SPOCK3: variants seen among roughly 807,000 people sequenced by gnomAD.
SPOCK3 encodes testican-3.
In SPOCK3, 30 loss-of-function variants were observed where a neutral mutation model predicts 56.6. That is an observed-to-expected ratio of 0.53 (90% CI 0.40 to 0.72). The LOEUF (loss-of-function observed/expected upper bound fraction) is 0.72, where lower values mean the gene tolerates loss of function less well. Ranked by LOEUF, SPOCK3 falls within the 30% of genes least tolerant of loss-of-function variation. The pLI, the probability that SPOCK3 is intolerant of heterozygous loss-of-function variation, is 0.00. For missense variants in SPOCK3, 527 were observed against 530.0 expected (o/e 0.99, Z 0.06); for synonymous variants, 196 against 183.3 (o/e 1.07, Z -0.56).
chr4:167,000,120 A>G (rs1463623217), intron 4 of SPOCK3, among the ~76,000 whole-genome samples: 2 of 152,146 alleles, frequency 1.3e-5, no homozygotes, highest in Non-Finnish European at 2.9e-5. Context: ...TCTTTATAAG[A>G]CCTTCTTTAT....
At chr4:166,905,181 A>G (rs1475689418) in intron 5 of SPOCK3, among the ~76,000 whole-genome samples, 1 of 152,070 alleles carries the variant, frequency 6.6e-6, no homozygotes, top group Non-Finnish European at 1.5e-5. Flanking sequence ...TACTACAAAT[A>G]TTACTAGAAC....
intron 2 of SPOCK3, among the ~76,000 whole-genome samples, chr4:167,165,214 A>C (rs1765653726): frequency 6.6e-6 from 1 of 152,186 alleles, no homozygotes; most frequent in Non-Finnish European, 1.5e-5. Context: ...GACAAATGGG[A>C]TCTAATTAAA....
chr4:167,041,281 G>A (rs1379485830), intron 3 of SPOCK3, among the ~76,000 whole-genome samples: 5 of 152,118 alleles, frequency 3.3e-5, no homozygotes, highest in East Asian at 3.8e-4. Flanking sequence ...TGACATATTG[G>A]CTAGCTTCTA....
chr4:166,963,603 A>G (rs1744386260), intron 4 of SPOCK3, among the ~76,000 whole-genome samples: 1 of 152,000 alleles, frequency 6.6e-6, no homozygotes, highest in African/African-American at 2.4e-5. Flanking sequence ...AATAGGCAAG[A>G]TTCATGTAAA....
At chr4:166,941,538 G>A (rs1741072079) in intron 4 of SPOCK3, among the ~76,000 whole-genome samples, 1 of 152,112 alleles carries the variant, frequency 6.6e-6, no homozygotes, top group African/African-American at 2.4e-5. Flanking sequence ...ATATCTGTGG[G>A]TAGTTGGCCT....
chr4:167,117,929 A>T (rs1761565854), intron 2 of SPOCK3, among the ~76,000 whole-genome samples: 1 of 151,964 alleles, frequency 6.6e-6, no homozygotes, highest in Admixed American at 6.6e-5. Flanking sequence ...GATGACTCTG[A>T]CTCCACTTTG....
chr4:166,771,825 G>T (rs17597978), intron 7 of SPOCK3, among the ~76,000 whole-genome samples: 69,460 of 151,768 alleles, frequency 0.46, 16,415 homozygotes, highest in African/African-American at 0.51. Context: ...AACTGTCAAG[G>T]TTGTTTACAT....
chr4:166,870,688 A>T (rs1732368872), intron 6 of SPOCK3, among the ~76,000 whole-genome samples: 1 of 152,136 alleles, frequency 6.6e-6, no homozygotes, highest in African/African-American at 2.4e-5. Context: ...TTTTTGAAAC[A>T]TAAAGAAGTG....
intron 6 of SPOCK3, among the ~76,000 whole-genome samples, chr4:166,803,647 C>T (rs1235764798): frequency 2.0e-5 from 3 of 152,158 alleles, no homozygotes; most frequent in African/African-American, 7.2e-5. Context: ...TGCCAACACA[C>T]TTTTTAATCT....
chr4:167,109,127 T>TATATATATAAAAATATATATAAA (rs1253630622), intron 2 of SPOCK3, among the ~76,000 whole-genome samples: 1 of 696 alleles, frequency 1.4e-3, no homozygotes, highest in Non-Finnish European at 2.0e-3. Flanking sequence ...TATATAAATA[T>TATATATATAAAAATATATATAAA]TATATATTTA....
intron 3 of SPOCK3, among the ~76,000 whole-genome samples, chr4:167,041,013 G>A (rs1471367256): frequency 6.6e-6 from 1 of 152,188 alleles, no homozygotes; most frequent in East Asian, 1.9e-4. Flanking sequence ...GTCATGGATA[G>A]AGCCGGGCTC....
intron 2 of SPOCK3, among the ~76,000 whole-genome samples, chr4:167,187,323 A>G (rs1228528373): frequency 1.4e-5 from 2 of 147,722 alleles, no homozygotes; most frequent in Non-Finnish European, 3.0e-5. Context: ...GATCTCCCTC[A>G]TTGTACTCTT....
At chr4:167,143,550 C>T (rs578257341) in intron 2 of SPOCK3, among the ~76,000 whole-genome samples, 21 of 152,066 alleles carry the variant, frequency 1.4e-4, no homozygotes, top group African/African-American at 4.6e-4. Context: ...TTTCTTGATT[C>T]AAACATACAT....
At chr4:167,039,676 T>A (rs201651644) in intron 3 of SPOCK3, among the ~76,000 whole-genome samples, 1 of 150,390 alleles carries the variant, frequency 6.6e-6, no homozygotes. Flanking sequence ...ATTTACTAAA[T>A]AAAAAAAAAA....
At chr4:167,179,234 T>G (rs1731240949) in intron 2 of SPOCK3, among the ~76,000 whole-genome samples, 1 of 152,204 alleles carries the variant, frequency 6.6e-6, no homozygotes, top group South Asian at 2.1e-4. Context: ...AGTTTCTTCC[T>G]TATTGGCCAA....
intron 6 of SPOCK3, among the ~76,000 whole-genome samples, chr4:166,855,592 A>C (rs1730559913): frequency 6.6e-6 from 1 of 151,308 alleles, no homozygotes; most frequent in Non-Finnish European, 1.5e-5. Context: ...GCACAGGAAA[A>C]AAGAAAAAAA....
At chr4:166,735,844 A>T (rs1227431386) in intron 10 of SPOCK3, among the ~76,000 whole-genome samples, 1 of 151,964 alleles carries the variant, frequency 6.6e-6, no homozygotes, top group Non-Finnish European at 1.5e-5. Context: ...AGGCACAGAA[A>T]TGTAGGATAA....
At chr4:167,222,772 T>C (rs1385826494) in intron 2 of SPOCK3, among the ~76,000 whole-genome samples, 1 of 126,472 alleles carries the variant, frequency 7.9e-6, no homozygotes, top group African/African-American at 3.1e-5. Flanking sequence ...TATATGAATA[T>C]ATAAATATAT....
chr4:166,865,899 T>C (rs759012323), intron 6 of SPOCK3, among the ~76,000 whole-genome samples: 20 of 152,056 alleles, frequency 1.3e-4, no homozygotes, highest in Non-Finnish European at 2.2e-4. Context: ...CATGCTACCA[T>C]TGGCTTTCTT....
Sources: allele counts gnomAD v4.1 joint callset (sites outside exome capture counted in the v4.1 genomes callset), GRCh38; gene constraint gnomAD v4.1.1; transcripts MANE v1.5; gene names NCBI Gene and HGNC (gene_info 2026-07-23, HGNC 2026-07-21).